EXTL3: variants seen among roughly 807,000 people sequenced by gnomAD.
EXTL3 encodes the protein exostosin like glycosyltransferase 3, also known as exostosin-like 3.
EXTL3 carries 27 observed loss-of-function variants against 69.3 expected under a neutral mutation model. The ratio of observed to expected loss-of-function variants is 0.39; its 90% CI spans 0.29 to 0.54. The LOEUF (loss-of-function observed/expected upper bound fraction) is 0.54. Ranked by LOEUF, EXTL3 falls within the 20% of genes least tolerant of loss-of-function variation. EXTL3 has a pLI of 0.69. For missense variants in EXTL3, 1,003 were observed against 1,231.8 expected, an observed-to-expected ratio of 0.81 and a Z score of 2.78; for synonymous variants, 511 against 499.4, an observed-to-expected ratio of 1.02 and a Z score of -0.31.
Position 28,717,758 on chromosome 8 carries a change from A to T in EXTL3, c.1699A>T (p.Met567Leu). 3 of 1,614,092 alleles carry T rather than the reference A, an allele frequency of 1.9e-6. No homozygotes were observed. The highest frequency in any genetic ancestry group is 2.5e-6 in the Non-Finnish European group (3 of 1,179,940). Residue 567 changes from methionine (M) to leucine (L), a missense_variant, in exon 3 of 7, where the codon ATG becomes TTG. Around this residue, in one of 2 missense-constraint regions of EXTL3, gnomAD observed 742 missense variants for 815.4 expected, o/e 0.91. Coordinates refer to ENST00000220562, the MANE Select transcript of EXTL3 (RefSeq NM_001440.4). This position sits in a 1 kb window ranked among gnomAD's most constrained non-coding sequence, Gnocchi z 8.3. ...CAAGGCGGCTGGAACTGACCCCAAC[A>T]TGGCTGACAACGGGGACCTGGACCT... is the stretch of plus-strand genomic sequence containing the variant. ...SGKAAGTDPN[M>L]ADNGDLDLGP...
upstream of EXTL3, among the ~76,000 whole-genome samples, chr8:28,619,838 T>G (rs1806385462): frequency 8.1e-6 from 1 of 122,952 alleles, no homozygotes. Context: ...CGACAGGGCT[T>G]CTGGTTCTTT....
chr8:28,649,376 T>C (rs535014647), intron 1 of EXTL3, among the ~76,000 whole-genome samples: 2 of 152,342 alleles, frequency 1.3e-5, no homozygotes, highest in South Asian at 2.1e-4. Flanking sequence ...TTCTCCTCTG[T>C]CTCTACCATG....
intron 3 of EXTL3, among the ~76,000 whole-genome samples, chr8:28,727,293 C>A (rs1216588456): frequency 6.6e-6 from 1 of 152,168 alleles, no homozygotes; most frequent in Non-Finnish European, 1.5e-5. Context: ...GCAGAGATGG[C>A]AGGCGCCCTG....
At chr8:28,649,892 C>A (rs1806889998) in intron 1 of EXTL3, among the ~76,000 whole-genome samples, 1 of 151,802 alleles carries the variant, frequency 6.6e-6, no homozygotes, top group Non-Finnish European at 1.5e-5. Flanking sequence ...GTAAGGTAAT[C>A]CAAAATATAG....
At chr8:28,611,480 T>C (rs192115406) in intron 2 of EXTL3, among the ~76,000 whole-genome samples, 1 of 152,204 alleles carries the variant, frequency 6.6e-6, no homozygotes, top group East Asian at 1.9e-4. Context: ...TTGACTGTTA[T>C]GGTCTCATCT....
intron 1 of EXTL3, among the ~76,000 whole-genome samples, chr8:28,713,113 A>G (rs1801065032): frequency 6.6e-6 from 1 of 152,200 alleles, no homozygotes; most frequent in African/African-American, 2.4e-5. Context: ...TTTCATCTGT[A>G]AATATCTCAG....
At chr8:28,681,423 C>G (rs1373585833) in intron 1 of EXTL3, among the ~76,000 whole-genome samples, 1 of 151,824 alleles carries the variant, frequency 6.6e-6, no homozygotes, top group African/African-American at 2.4e-5. Context: ...GTAGCTGAAA[C>G]ATGAGAATCA....
intron 1 of EXTL3, 139 bp from the exon 2 acceptor site, chr8:28,713,318 T>TG: frequency 1.8e-6 from 1 of 566,460 alleles, no homozygotes. Flanking sequence ...GTAAATTATT[T>TG]GGTGACCTCA....
intron 1 of EXTL3, among the ~76,000 whole-genome samples, chr8:28,634,911 C>T (rs1194895335): frequency 1.3e-5 from 2 of 151,892 alleles, no homozygotes; most frequent in African/African-American, 4.8e-5. Flanking sequence ...TGCTTTTTTG[C>T]CACACTCTAC....
chr8:28,613,239 A>G (rs1396685596), intron 2 of EXTL3, among the ~76,000 whole-genome samples: 2 of 152,040 alleles, frequency 1.3e-5, no homozygotes, highest in Non-Finnish European at 1.5e-5. Context: ...GCTGGAGTGC[A>G]ATGGCATGAT....
At chr8:28,692,300 G>C (rs958202071) in intron 1 of EXTL3, among the ~76,000 whole-genome samples, 2 of 152,120 alleles carry the variant, frequency 1.3e-5, no homozygotes, top group Non-Finnish European at 2.9e-5. Flanking sequence ...TTGATCTATG[G>C]CATAGTGTTT....
upstream of EXTL3, among the ~76,000 whole-genome samples, chr8:28,619,845 C>CTTTTTT (rs56276866): frequency 9.8e-5 from 5 of 50,852 alleles, no homozygotes; most frequent in Non-Finnish European, 1.5e-4. Context: ...GCTTCTGGTT[C>CTTTTTT]TTTTTTTTTT....
rs1408976900 is a variant in EXTL3 at position 28,717,300 on chromosome 8, T to C, written c.1241T>C (p.Leu414Pro). Residue 414 changes from leucine to proline, a missense_variant, in exon 3 of 7, where the codon CTG (leucine) becomes CCG (proline). This residue lies in a region of EXTL3 where 742 missense variants were observed against 815.4 expected (regional missense o/e 0.91). Transcript: ENST00000220562. This position sits in a 1 kb window ranked among gnomAD's most constrained non-coding sequence, Gnocchi z 8.3. The stretch of plus-strand genomic sequence containing the variant: ...CCCAGCCTGCCGACTGAGTGGGCAC[T>C]GTGTGGAGAGCGGGAGGACCGCTTG... ...PKPSLPTEWA[L>P]CGEREDRLEL... is the part of the protein sequence containing the mutation. 2.5e-6 allele frequency: 4 copies of C among 1,614,234 alleles called. No homozygotes were observed. Among genetic ancestry groups the C allele is most frequent in the South Asian group, 1.1e-5 (1 of 91,088 alleles).
upstream of EXTL3, among the ~76,000 whole-genome samples, chr8:28,622,128 C>A (rs991561744): frequency 6.6e-6 from 1 of 152,214 alleles, no homozygotes; most frequent in Admixed American, 6.5e-5. Context: ...ACGACGCGTG[C>A]AGGTTTCTCC....
chr8:28,634,998 G>A (rs1806630308), intron 1 of EXTL3, among the ~76,000 whole-genome samples: 1 of 152,038 alleles, frequency 6.6e-6, no homozygotes, highest in African/African-American at 2.4e-5. Context: ...CGATGACGTT[G>A]TAAACTTAGC....
chr8:28,722,995 T>G (rs1801331469), intron 3 of EXTL3, among the ~76,000 whole-genome samples: 2 of 152,104 alleles, frequency 1.3e-5, no homozygotes, highest in African/African-American at 4.8e-5. Context: ...ACTCTTGGCG[T>G]CAGGAACTTT....
At chr8:28,734,099 T>A (rs1801597897) in intron 4 of EXTL3, among the ~76,000 whole-genome samples, 1 of 152,202 alleles carries the variant, frequency 6.6e-6, no homozygotes, top group Non-Finnish European at 1.5e-5. Context: ...ATTACAGGCA[T>A]GAGCCACCGC....
At chr8:28,690,840 G>A (rs1019616678) in intron 1 of EXTL3, among the ~76,000 whole-genome samples, 9 of 152,162 alleles carry the variant, frequency 5.9e-5, no homozygotes, top group African/African-American at 2.2e-4. Flanking sequence ...CTTTTGCTGT[G>A]TTCCATTGGC....
intron 1 of EXTL3, among the ~76,000 whole-genome samples, chr8:28,684,015 C>T (rs898846631): frequency 2.6e-5 from 4 of 152,146 alleles, no homozygotes; most frequent in African/African-American, 4.8e-5. Flanking sequence ...CCCACAAATA[C>T]GTGAGACCGT....
Sources: gnomAD v4.1 joint callset for allele counts (sites outside exome capture counted in the v4.1 genomes callset) on GRCh38, gnomAD v4.1.1 for gene constraint, gnomAD v4.1.1 regional missense constraint, Gnocchi (gnomAD v3.1) non-coding constraint, MANE v1.5 for transcripts, NCBI Gene and HGNC (gene_info 2026-07-23, HGNC 2026-07-21) for gene names.